Variants in FCHSD2 observed in about 807,000 individuals in gnomAD.
FCHSD2 encodes the protein F-BAR and double SH3 domains protein 2.
In FCHSD2, 38 loss-of-function variants were observed where a neutral mutation model predicts 108.1. The observed-to-expected ratio is 0.35, with a 90% CI of 0.27 to 0.46. The LOEUF (loss-of-function observed/expected upper bound fraction) is 0.46. Among genes scored for constraint, FCHSD2 ranks in the 20% least tolerant of loss-of-function variants. FCHSD2 has a pLI of 1.00. For missense variants in FCHSD2, 751 were observed against 897.8 expected (o/e 0.84, Z 2.09); for synonymous variants, 279 against 314.7 (o/e 0.89, Z 1.20).
chr11:73,045,213 A>G (rs1858731738), intron 3 of FCHSD2, among the ~76,000 whole-genome samples: 1 of 152,052 alleles, frequency 6.6e-6, no homozygotes, highest in Non-Finnish European at 1.5e-5. Flanking sequence ...TAAAACCACA[A>G]TGAGATACCA....
At chr11:72,933,449 A>G (rs917717639) in intron 8 of FCHSD2, among the ~76,000 whole-genome samples, 3 of 152,204 alleles carry the variant, frequency 2.0e-5, no homozygotes, top group African/African-American at 7.2e-5. Flanking sequence ...TTGAGCAAGC[A>G]CCATCTCATC....
rs1860095700 is a variant in FCHSD2 at position 73,096,987 on chromosome 11, A to AATTTTTTTTTTT, written c.120-13248_120-13247insAAAAAAAAAAAT. 6.3e-4 allele frequency among the ~76,000 whole-genome samples: 17 copies of AATTTTTTTTTTT among 27,046 alleles called. 1 individual carries two copies. The highest frequency in any genetic ancestry group is 3.0e-3 in the African/African-American group (15 of 5,064). The allele number at this position is 27,046 out of a possible 152,430, so 17.7% of individuals were successfully genotyped here. ...CTAATGTGATGTATTTCATTGATGG[A>AATTTTTTTTTTT]TTTTTTTTTTTTTTTTTTTTTTTTT... On this transcript the variant is annotated intron_variant, in intron 2 of 19. Coordinates refer to ENST00000409418, the MANE Select transcript of FCHSD2 (RefSeq NM_014824.3).
At chr11:73,049,549 G>A (rs1234954011) in intron 3 of FCHSD2, among the ~76,000 whole-genome samples, 1 of 131,460 alleles carries the variant, frequency 7.6e-6, no homozygotes. Flanking sequence ...TCGGGGGAGG[G>A]GGGAGGGATA....
At chr11:72,936,541 A>T (rs1240096799) in intron 8 of FCHSD2, among the ~76,000 whole-genome samples, 3 of 152,206 alleles carry the variant, frequency 2.0e-5, no homozygotes, top group South Asian at 4.1e-4. Flanking sequence ...TTGGAAGGCC[A>T]AGATGGGAGG....
At chr11:73,118,844 T>C (rs1448988180) in intron 2 of FCHSD2, among the ~76,000 whole-genome samples, 1 of 152,176 alleles carries the variant, frequency 6.6e-6, no homozygotes, top group Admixed American at 6.6e-5. Context: ...AGCACATAAG[T>C]AACTTACCCA....
intron 3 of FCHSD2, among the ~76,000 whole-genome samples, chr11:73,055,149 A>T (rs1858995260): frequency 6.6e-6 from 1 of 152,102 alleles, no homozygotes; most frequent in Non-Finnish European, 1.5e-5. Context: ...GAAAGAACTC[A>T]CTATCATGAG....
At chr11:72,958,348 T>C (rs1269054448) in intron 8 of FCHSD2, among the ~76,000 whole-genome samples, 2 of 151,964 alleles carry the variant, frequency 1.3e-5, no homozygotes, top group African/African-American at 4.8e-5. Flanking sequence ...TGAAACTCTG[T>C]CTCTATCAAA....
intron 3 of FCHSD2, among the ~76,000 whole-genome samples, chr11:73,064,648 T>C (rs559156587): frequency 6.6e-6 from 1 of 152,196 alleles, no homozygotes; most frequent in East Asian, 1.9e-4. Context: ...CTTATATCAG[T>C]GGTGATATCC....
chr11:72,945,204 T>C (rs556414063), intron 8 of FCHSD2, among the ~76,000 whole-genome samples: 1 of 152,218 alleles, frequency 6.6e-6, no homozygotes, highest in African/African-American at 2.4e-5. Flanking sequence ...AACAGAGATA[T>C]AGACCAATGG....
chr11:72,865,283 G>A (rs764516510), intron 13 of FCHSD2, among the ~76,000 whole-genome samples: 2 of 152,188 alleles, frequency 1.3e-5, no homozygotes, highest in Non-Finnish European at 2.9e-5. Flanking sequence ...AATAATTTCA[G>A]TGCTGTTACT....
At chr11:72,965,131 A>C (rs1856884833) in intron 8 of FCHSD2, among the ~76,000 whole-genome samples, 1 of 152,044 alleles carries the variant, frequency 6.6e-6, no homozygotes, top group Non-Finnish European at 1.5e-5. Context: ...ATAGATCCCC[A>C]TTGCCTGTAG....
chr11:73,077,572 T>A (rs910649380), intron 3 of FCHSD2: 13 of 407,602 alleles, frequency 3.2e-5, no homozygotes, highest in Admixed American at 1.7e-4. Context: ...ACACAAATGT[T>A]TATAGCAACT....
At chr11:72,907,598 G>GAT (rs200788964) in intron 9 of FCHSD2, among the ~76,000 whole-genome samples, 1 of 72,714 alleles carries the variant, frequency 1.4e-5, no homozygotes, top group Non-Finnish European at 2.4e-5. Context: ...TAATCACGTG[G>GAT]GTTTTTTTTT....
chr11:72,858,754 C>G (rs1861493535), intron 13 of FCHSD2, among the ~76,000 whole-genome samples: 1 of 152,136 alleles, frequency 6.6e-6, no homozygotes, highest in Admixed American at 6.5e-5. Context: ...AATTATATCC[C>G]TGAACTTAAA....
At chr11:72,988,319 C>CT in intron 6 of FCHSD2, among the ~76,000 whole-genome samples, 1 of 152,272 alleles carries the variant, frequency 6.6e-6, no homozygotes, top group East Asian at 1.9e-4. Context: ...GCAAAAATCT[C>CT]TATTATATTG....
At chr11:72,992,103 T>A (rs1360914447) in intron 5 of FCHSD2, among the ~76,000 whole-genome samples, 1 of 152,102 alleles carries the variant, frequency 6.6e-6, no homozygotes, top group Non-Finnish European at 1.5e-5. Context: ...TCACAAGCAT[T>A]CTTATACACC....
chr11:73,014,104 TA>T (rs2135431233), intron 4 of FCHSD2, among the ~76,000 whole-genome samples: 2 of 151,552 alleles, frequency 1.3e-5, no homozygotes, highest in South Asian at 4.2e-4. Flanking sequence ...AGAAAATCCT[TA>T]AGAAAATCTG....
intron 5 of FCHSD2, among the ~76,000 whole-genome samples, chr11:72,989,425 TAAAATC>T (rs1192357064): frequency 2.0e-5 from 3 of 152,146 alleles, no homozygotes; most frequent in Non-Finnish European, 4.4e-5. Flanking sequence ...ATCATGATAA[TAAAATC>T]AAAAGAATAA....
rs1197016590 is a variant in FCHSD2, at chr11:73,024,864, C to T, written c.166-8979G>A. Among the ~76,000 whole-genome samples, 3 of 152,162 alleles carry T rather than the reference C, an allele frequency of 2.0e-5. No homozygotes were observed. In the South Asian group the frequency reaches 6.2e-4, roughly 32 times the overall value. On this transcript the variant is annotated intron_variant, in intron 3 of 19. Transcript: ENST00000409418. ...CAGACGCTTTTCAAAAACAGACATA[C>T]ATGCAGCCAACAATCAAATGAAAAA...
Sources: allele counts gnomAD v4.1 joint callset (sites outside exome capture counted in the v4.1 genomes callset), GRCh38; gene constraint gnomAD v4.1.1; transcripts MANE v1.5; gene names NCBI Gene and HGNC (gene_info 2026-07-23, HGNC 2026-07-21).